Variants in NEDD4L observed in about 807,000 individuals in gnomAD.
The protein encoded by NEDD4L is E3 ubiquitin-protein ligase NEDD4-like.
NEDD4L carries 54 observed loss-of-function variants against 148.9 expected under a neutral mutation model. The observed-to-expected ratio is 0.36, with a 90% CI of 0.29 to 0.45. The LOEUF (loss-of-function observed/expected upper bound fraction) is 0.45, where lower values mean the gene tolerates loss of function less well. Among genes scored for constraint, NEDD4L ranks in the 20% least tolerant of loss-of-function variants. The pLI is 1.00. For missense variants in NEDD4L, 856 were observed against 1,233.8 expected, an observed-to-expected ratio of 0.69 and a Z score of 4.59; for synonymous variants, 433 against 440.7, an observed-to-expected ratio of 0.98 and a Z score of 0.22.
In NEDD4L at chr18:58,397,977, GC is replaced by G. The variant is rs2050599997; in HGVS notation, c.*1711del. ...TGTAAGAAATTGCCGTTTTTACCCT[GC>G]CCTGGCTGGCATGTGAGAAGCCATG... On this transcript the variant is annotated 3_prime_UTR_variant, in exon 31 of 31. Transcript: ENST00000400345. 1 of 152,016 alleles carries G rather than the reference GC, an allele frequency of 6.6e-6. No individual in the cohort carries two copies. The highest frequency in any genetic ancestry group is 6.6e-5 in the Admixed American group (1 of 15,252). The allele number at this position is 152,016 out of a possible 1,614,324, so 9.4% of individuals were successfully genotyped here. A position where few individuals can be genotyped will look rare whatever the true frequency, so the allele number is the denominator to read the frequency against.
At chr18:58,175,639 A>C (rs776682338) in intron 2 of NEDD4L, among the ~76,000 whole-genome samples, 1 of 152,254 alleles carries the variant, frequency 6.6e-6, no homozygotes, top group Non-Finnish European at 1.5e-5. Flanking sequence ...TCCCTGCACC[A>C]AATAGCTTGT....
chr18:58,223,984 C>A (rs1215836700), intron 2 of NEDD4L, among the ~76,000 whole-genome samples: 2 of 152,200 alleles, frequency 1.3e-5, no homozygotes, highest in Non-Finnish European at 2.9e-5. Context: ...TGTGGGCAGG[C>A]GGTACCCAGA....
At chr18:58,362,664 C>G (rs2045630847) in intron 19 of NEDD4L, among the ~76,000 whole-genome samples, 1 of 152,198 alleles carries the variant, frequency 6.6e-6, no homozygotes, top group Non-Finnish European at 1.5e-5. Context: ...ACTGGGAAAG[C>G]TACCTTTGGT....
At chr18:58,231,225 G>A (rs1311691388) in intron 2 of NEDD4L, among the ~76,000 whole-genome samples, 3 of 127,832 alleles carry the variant, frequency 2.3e-5, no homozygotes, top group African/African-American at 3.2e-5. Context: ...GTGGCAGAGC[G>A]AGACCCTATC....
In NEDD4L at chr18:58,341,189, A is replaced by G. The variant is rs1169538633; in HGVS notation, c.1257+20A>G. The stretch of plus-strand genomic sequence containing the variant: ...ATGCAGGTACGAAGATTGCCATCCA[A>G]CTTAAAACCGCAGGCCATAGAAGCC... On this transcript the variant is annotated intron_variant, in intron 14 of 30. Coordinates refer to ENST00000400345, the MANE Select transcript of NEDD4L (RefSeq NM_001144967.3). 12 of 1,610,156 alleles carry G rather than the reference A, an allele frequency of 7.5e-6. No homozygotes were observed. Among genetic ancestry groups the G allele is most frequent in the East Asian group, 2.2e-5 (1 of 44,806 alleles).
chr18:58,244,981 C>T (rs1156926446), intron 2 of NEDD4L, among the ~76,000 whole-genome samples: 1 of 152,162 alleles, frequency 6.6e-6, no homozygotes, highest in African/African-American at 2.4e-5. Flanking sequence ...CAGGTGTGAG[C>T]CACCTCGCCC....
At chr18:58,148,340 T>A (rs1230843061) in intron 1 of NEDD4L, among the ~76,000 whole-genome samples, 1 of 151,928 alleles carries the variant, frequency 6.6e-6, no homozygotes, top group Non-Finnish European at 1.5e-5. Context: ...ACTTTTTATA[T>A]TTTTTAGTAG....
intron 11 of NEDD4L, among the ~76,000 whole-genome samples, chr18:58,332,552 G>A (rs937381163): frequency 6.6e-6 from 1 of 152,078 alleles, no homozygotes; most frequent in Admixed American, 6.5e-5. Flanking sequence ...GGAGGCCAAG[G>A]CCCAAAAATT....
chr18:58,180,117 G>C (rs1343509899), intron 2 of NEDD4L, among the ~76,000 whole-genome samples: 1 of 152,188 alleles, frequency 6.6e-6, no homozygotes, highest in Non-Finnish European at 1.5e-5. Context: ...AAACACTTCG[G>C]TGACTGTGCA....
At chr18:58,050,302 T>C (rs1359576551) in intron 1 of NEDD4L, among the ~76,000 whole-genome samples, 1 of 139,874 alleles carries the variant, frequency 7.1e-6, no homozygotes, top group African/African-American at 2.7e-5. Context: ...AATAAATAAA[T>C]AAATAAATGA....
chr18:58,133,985 T>C (rs1385075614), intron 1 of NEDD4L, among the ~76,000 whole-genome samples: 7 of 152,108 alleles, frequency 4.6e-5, no homozygotes, highest in Middle Eastern at 3.2e-3. Flanking sequence ...GTGAGCTTAA[T>C]ATTCTTTATT....
At chr18:58,115,024 C>T (rs1350257005) in intron 1 of NEDD4L, among the ~76,000 whole-genome samples, 1 of 152,118 alleles carries the variant, frequency 6.6e-6, no homozygotes, top group Non-Finnish European at 1.5e-5. Flanking sequence ...GCCTTAATCC[C>T]CCTTTTCTGT....
intron 9 of NEDD4L, among the ~76,000 whole-genome samples, 178 bp downstream of exon 9, chr18:58,325,340 A>G (rs557097291): frequency 6.6e-6 from 1 of 152,386 alleles, no homozygotes; most frequent in East Asian, 1.9e-4. Flanking sequence ...CAGAACTTGT[A>G]TATTGTAAGC....
chr18:58,131,942 T>C (rs942959998), intron 1 of NEDD4L, among the ~76,000 whole-genome samples: 1 of 152,226 alleles, frequency 6.6e-6, no homozygotes, highest in Admixed American at 6.5e-5. Flanking sequence ...CATGTTCTGA[T>C]GTAAATATAT....
chr18:58,256,595 A>C lies in NEDD4L; in HGVS notation c.297+4541A>C, dbSNP rs897903886. On this transcript the variant is annotated intron_variant, in intron 5 of 30. Coordinates refer to ENST00000400345, the MANE Select transcript of NEDD4L (RefSeq NM_001144967.3). The surrounding 1 kb of genome is among the most constrained non-coding windows in gnomAD (Gnocchi z 5.2). Reference sequence around the variant, plus strand: ...TGGCAGGATGGCTCCTGAAATCCGCAGGACGAACTCCGCGGAGAGGACTCC... The same window carrying C: ...TGGCAGGATGGCTCCTGAAATCCGCCGGACGAACTCCGCGGAGAGGACTCC... 1.6e-6 allele frequency: 2 copies of C among 1,232,274 alleles called. No homozygotes were observed. The highest frequency in any genetic ancestry group is 2.0e-6 in the Non-Finnish European group (2 of 988,050). 76.3% of individuals were successfully genotyped at this position (1,232,274 alleles called of 1,614,324 possible). A position where few individuals can be genotyped will look rare whatever the true frequency, so the allele number is the denominator to read the frequency against.
intron 1 of NEDD4L, among the ~76,000 whole-genome samples, chr18:58,068,078 G>A (rs898358193): frequency 6.6e-6 from 1 of 152,010 alleles, no homozygotes; most frequent in African/African-American, 2.4e-5. Context: ...TCCTTCCTCA[G>A]CCTCCTGAGT....
At chr18:58,069,235 A>G (rs950253801) in intron 1 of NEDD4L, among the ~76,000 whole-genome samples, 8 of 152,068 alleles carry the variant, frequency 5.3e-5, no homozygotes, top group Non-Finnish European at 8.8e-5. Context: ...AGAAGGGACA[A>G]CCAGCTCCTC....
intron 5 of NEDD4L, among the ~76,000 whole-genome samples, chr18:58,274,382 C>T (rs992750412): frequency 2.0e-5 from 3 of 152,178 alleles, no homozygotes; most frequent in Admixed American, 6.5e-5. Context: ...TCCGCCTGTA[C>T]GTGAGCTCCC....
At chr18:58,331,197 C>T (rs2059761750) in intron 11 of NEDD4L, among the ~76,000 whole-genome samples, 1 of 152,192 alleles carries the variant, frequency 6.6e-6, no homozygotes, top group Non-Finnish European at 1.5e-5. Flanking sequence ...TCCATGATGT[C>T]TGTAATTATT....
Sources: gnomAD v4.1 joint callset for allele counts (sites outside exome capture counted in the v4.1 genomes callset) on GRCh38, gnomAD v4.1.1 for gene constraint, Gnocchi (gnomAD v3.1) non-coding constraint, MANE v1.5 for transcripts, NCBI Gene and HGNC (gene_info 2026-07-23, HGNC 2026-07-21) for gene names.